The following ALCAM variants were observed in gnomAD, a reference collection of about 807,000 sequenced individuals.
ALCAM encodes activated leukocyte cell adhesion molecule.
Under a neutral mutation model 70.9 loss-of-function variants are expected in ALCAM, and 30 were observed. The ratio of observed to expected loss-of-function variants is 0.42; its 90% CI spans 0.32 to 0.57. ALCAM has a LOEUF of 0.57. ALCAM is among the 20% of genes least tolerant of loss of function. The probability of loss-of-function intolerance (pLI) is 0.11; values close to 1 mark genes in which losing one functional copy is unlikely to be tolerated. For synonymous variants in ALCAM, 249 were observed against 242.5 expected, an observed-to-expected ratio of 1.03 and a Z score of -0.25; for missense variants, 591 against 695.1, an observed-to-expected ratio of 0.85 and a Z score of 1.68.
intron 1 of ALCAM, among the ~76,000 whole-genome samples, chr3:105,389,662 T>G (rs1008651101): frequency 1.3e-5 from 2 of 151,556 alleles, no homozygotes; most frequent in Admixed American, 1.3e-4. Context: ...GCATGGTGAT[T>G]TGCTGCACCT....
chr3:105,398,431 C>A (rs1013508761), intron 1 of ALCAM, among the ~76,000 whole-genome samples: 5 of 151,978 alleles, frequency 3.3e-5, no homozygotes, highest in Admixed American at 3.3e-4. Context: ...GATAATGCTA[C>A]CTTATTTAGC....
chr3:105,439,967 A>C (rs1360092856), intron 1 of ALCAM, among the ~76,000 whole-genome samples: 1 of 152,228 alleles, frequency 6.6e-6, no homozygotes, highest in Non-Finnish European at 1.5e-5. Context: ...TATTCTGTGA[A>C]TATCATAAAA....
At chr3:105,506,014 C>T (rs1939065140) in intron 1 of ALCAM, among the ~76,000 whole-genome samples, 1 of 151,904 alleles carries the variant, frequency 6.6e-6, no homozygotes. Context: ...ATGTGTTTAC[C>T]TTGGTGACTG....
chr3:105,550,844 A>C (rs780992881), intron 12 of ALCAM, among the ~76,000 whole-genome samples: 2 of 151,706 alleles, frequency 1.3e-5, no homozygotes, highest in Non-Finnish European at 3.0e-5. Flanking sequence ...ATCTCAGAGA[A>C]TGTGGAAAAA....
chr3:105,425,309 G>C (rs757635035), intron 1 of ALCAM, among the ~76,000 whole-genome samples: 1 of 151,646 alleles, frequency 6.6e-6, no homozygotes. Flanking sequence ...CTGTGTGTGC[G>C]CCTGTGTGTA....
At chr3:105,551,095 G>T (rs565715720) in intron 12 of ALCAM, among the ~76,000 whole-genome samples, 2 of 151,526 alleles carry the variant, frequency 1.3e-5, no homozygotes, top group Non-Finnish European at 3.0e-5. Flanking sequence ...AGCAGGCTAG[G>T]ACTACACTAG....
intron 1 of ALCAM, among the ~76,000 whole-genome samples, chr3:105,466,254 G>C (rs1412178055): frequency 6.6e-6 from 1 of 151,324 alleles, no homozygotes; most frequent in African/African-American, 2.4e-5. Context: ...CCTAGTAAGT[G>C]TCTTTCTGTG....
intron 1 of ALCAM, among the ~76,000 whole-genome samples, chr3:105,515,218 A>G (rs1279427177): frequency 1.3e-5 from 2 of 151,964 alleles, no homozygotes; most frequent in African/African-American, 4.8e-5. Context: ...TGAAAAAAAT[A>G]CCTTTTTCAC....
intron 1 of ALCAM, among the ~76,000 whole-genome samples, chr3:105,413,049 A>G (rs1363895946): frequency 2.0e-5 from 3 of 152,126 alleles, no homozygotes; most frequent in Non-Finnish European, 2.9e-5. Flanking sequence ...TAAGAAATAT[A>G]TCTTGCCATT....
intron 3 of ALCAM, chr3:105,525,498 A>T (rs1939680205): frequency 2.9e-6 from 1 of 347,098 alleles, no homozygotes; most frequent in Non-Finnish European, 4.1e-6. Flanking sequence ...TTAGGGAAGA[A>T]GGTTTCACTT....
chr3:105,435,453 T>C (rs1380020515), intron 1 of ALCAM, among the ~76,000 whole-genome samples: 3 of 152,262 alleles, frequency 2.0e-5, no homozygotes, highest in African/African-American at 4.8e-5. Context: ...TTTCCATTGC[T>C]ATCATATGAC....
intron 1 of ALCAM, among the ~76,000 whole-genome samples, chr3:105,459,750 A>C: frequency 6.6e-6 from 1 of 152,116 alleles, no homozygotes; most frequent in South Asian, 2.1e-4. Flanking sequence ...TTGAACTTCT[A>C]AAATGATGAC....
intron 1 of ALCAM, among the ~76,000 whole-genome samples, chr3:105,476,340 T>C (rs906878390): frequency 2.6e-5 from 4 of 152,080 alleles, no homozygotes; most frequent in Admixed American, 2.6e-4. Context: ...TGACTACCAT[T>C]GTTATGTCTG....
rs374212439 is a variant in ALCAM at position 105,534,889 on chromosome 3, A to G, written c.730+44A>G. 116 of 1,503,624 alleles carry G rather than the reference A, an allele frequency of 7.7e-5. No homozygotes were observed. The African/African-American group carries it at 1.6e-3, about 20-fold the overall frequency. The allele number at this position is 1,503,624 out of a possible 1,614,324, so 93.1% of individuals were successfully genotyped here. On this transcript the variant is annotated intron_variant, in intron 6 of 15. Transcript: ENST00000306107. ...AATTATGCTATTTAATGTATTAGAA[A>G]TAATATTCAAATGCTATTAATCTTT...
chr3:105,372,729 A>C (rs999932001), intron 1 of ALCAM, among the ~76,000 whole-genome samples: 2 of 152,170 alleles, frequency 1.3e-5, no homozygotes, highest in African/African-American at 4.8e-5. Context: ...GAAATTAGAC[A>C]GCTGTCCAGC....
chr3:105,490,586 T>C (rs777336149), intron 1 of ALCAM, among the ~76,000 whole-genome samples: 3 of 152,134 alleles, frequency 2.0e-5, no homozygotes, highest in South Asian at 4.1e-4. Flanking sequence ...GGAGGCATAG[T>C]TGGGAAGAAA....
chr3:105,441,699 T>C (rs1454622375), intron 1 of ALCAM, among the ~76,000 whole-genome samples: 3 of 152,204 alleles, frequency 2.0e-5, no homozygotes, highest in East Asian at 3.8e-4. Flanking sequence ...CCACACATCA[T>C]CTAAGCTTCT....
chr3:105,381,024 C>T (rs1193426437), intron 1 of ALCAM, among the ~76,000 whole-genome samples: 1 of 151,888 alleles, frequency 6.6e-6, no homozygotes, highest in East Asian at 1.9e-4. Context: ...CTCCTTTCTC[C>T]AGTTTCCCAG....
intron 1 of ALCAM, among the ~76,000 whole-genome samples, chr3:105,406,742 TAAA>T: frequency 7.3e-6 from 1 of 137,224 alleles, no homozygotes; most frequent in Middle Eastern, 3.7e-3. Flanking sequence ...CAAAAAACAA[TAAA>T]AAGATAAATG....
Sources: allele counts gnomAD v4.1 joint callset (sites outside exome capture counted in the v4.1 genomes callset), GRCh38; gene constraint gnomAD v4.1.1; transcripts MANE v1.5; gene names NCBI Gene and HGNC (gene_info 2026-07-23, HGNC 2026-07-21).